The following NKAIN2 variants were observed in gnomAD, a reference collection of about 807,000 sequenced individuals.
NKAIN2 encodes sodium/potassium transporting ATPase interacting 2, also known as sodium/potassium-transporting ATPase subunit beta-1-interacting protein 2.
NKAIN2 carries 14 observed loss-of-function variants against 32.6 expected under a neutral mutation model. That is an observed-to-expected ratio of 0.43 (90% CI 0.28 to 0.67). NKAIN2 has a LOEUF of 0.67. Among genes scored for constraint, NKAIN2 ranks in the 30% least tolerant of loss-of-function variants. The probability of loss-of-function intolerance (pLI) is 0.17; values close to 1 mark genes in which losing one functional copy is unlikely to be tolerated. For missense variants in NKAIN2, 198 were observed against 258.3 expected (o/e 0.77, Z 1.60); for synonymous variants, 80 against 87.2 (o/e 0.92, Z 0.46).
intron 5 of NKAIN2, among the ~76,000 whole-genome samples, chr6:124,813,626 G>A (rs1342003445): frequency 1.3e-5 from 2 of 152,124 alleles, no homozygotes; most frequent in Non-Finnish European, 2.9e-5. Flanking sequence ...ATCCTCAGAT[G>A]TTGTGTGACT....
intron 3 of NKAIN2, among the ~76,000 whole-genome samples, chr6:124,380,254 A>G (rs2114369472): frequency 6.6e-6 from 1 of 152,302 alleles, no homozygotes; most frequent in Middle Eastern, 3.4e-3. Flanking sequence ...AGAAGTAACT[A>G]TGCTATTGTC....
At chr6:124,803,599 G>A (rs536018757) in intron 5 of NKAIN2, among the ~76,000 whole-genome samples, 1 of 152,158 alleles carries the variant, frequency 6.6e-6, no homozygotes, top group Non-Finnish European at 1.5e-5. Context: ...ATGTCACACA[G>A]GCTGTTCCTG....
chr6:124,049,294 C>G (rs1252259805), intron 1 of NKAIN2, among the ~76,000 whole-genome samples: 4 of 151,954 alleles, frequency 2.6e-5, no homozygotes, highest in African/African-American at 9.7e-5. Context: ...GGACTTTATG[C>G]ATTCTGGACT....
chr6:124,276,594 T>C (rs1035159995), intron 1 of NKAIN2, among the ~76,000 whole-genome samples: 1 of 152,170 alleles, frequency 6.6e-6, no homozygotes, highest in South Asian at 2.1e-4. Context: ...TATGTTCTCA[T>C]TGATCTTGTC....
chr6:124,102,582 A>G (rs1784939376), intron 1 of NKAIN2, among the ~76,000 whole-genome samples: 1 of 152,164 alleles, frequency 6.6e-6, no homozygotes, highest in Non-Finnish European at 1.5e-5. Flanking sequence ...TTTCTGTTTT[A>G]GATTCATCTG....
chr6:123,865,401 T>C (rs1775942959), intron 1 of NKAIN2, among the ~76,000 whole-genome samples: 1 of 152,120 alleles, frequency 6.6e-6, no homozygotes, highest in Non-Finnish European at 1.5e-5. Context: ...AACTCTAAAA[T>C]GGCATCTATT....
intron 3 of NKAIN2, among the ~76,000 whole-genome samples, chr6:124,424,467 C>A (rs1174451405): frequency 3.1e-5 from 4 of 131,010 alleles, no homozygotes; most frequent in African/African-American, 1.1e-4. Context: ...ACAGTATTAA[C>A]TGTAGTCATC....
chr6:124,370,702 C>T (rs10872286), intron 3 of NKAIN2, among the ~76,000 whole-genome samples: 22,666 of 152,062 alleles, frequency 0.15, 2,148 homozygotes, highest in Admixed American at 0.26. Context: ...GATAGGTCCT[C>T]AAATCTTTTA....
intron 2 of NKAIN2, among the ~76,000 whole-genome samples, chr6:124,341,246 ATAG>A (rs1223076125): frequency 4.6e-5 from 7 of 152,294 alleles, no homozygotes; most frequent in East Asian, 3.9e-4. Flanking sequence ...GAAATAAATA[ATAG>A]TAGTTGAATA....
intron 3 of NKAIN2, among the ~76,000 whole-genome samples, chr6:124,388,957 CGTAT>C (rs1286727898): frequency 6.6e-6 from 1 of 151,992 alleles, no homozygotes; most frequent in Non-Finnish European, 1.5e-5. Flanking sequence ...TCAGAAAACA[CGTAT>C]GTGTTTATAA....
rs189489386 is a variant in NKAIN2, at chr6:124,502,964, G to T, written c.273+147617G>T. Among the ~76,000 whole-genome samples the T allele has an allele frequency of 2.0e-5, 3 of 152,040 alleles. No individual in the cohort carries two copies. The East Asian group carries it at 5.8e-4, about 29-fold the overall frequency. On this transcript the variant is annotated intron_variant, in intron 3 of 6. Transcript: ENST00000368417. ...TCTTGATTTTTCTATATAAATTTTA[G>T]AATCATCTTGCCTGAATTAGAAAAA...
intron 3 of NKAIN2, among the ~76,000 whole-genome samples, chr6:124,495,196 G>A (rs1296951014): frequency 6.6e-6 from 1 of 152,056 alleles, no homozygotes; most frequent in Non-Finnish European, 1.5e-5. Flanking sequence ...TGTCACCTTA[G>A]GGTAGGGGTT....
intron 4 of NKAIN2, among the ~76,000 whole-genome samples, chr6:124,750,644 G>A (rs1192983527): frequency 1.3e-5 from 2 of 151,882 alleles, no homozygotes; most frequent in Non-Finnish European, 2.9e-5. Flanking sequence ...CATTCTGGCT[G>A]TGTTGTTTTG....
chr6:123,829,780 C>T (rs568979766), intron 1 of NKAIN2, among the ~76,000 whole-genome samples: 1 of 152,176 alleles, frequency 6.6e-6, no homozygotes, highest in South Asian at 2.1e-4. Flanking sequence ...ATCTGTGACA[C>T]ATTCAACGTA....
chr6:124,122,722 G>A (rs1264651096), intron 1 of NKAIN2, among the ~76,000 whole-genome samples: 1 of 152,078 alleles, frequency 6.6e-6, no homozygotes, highest in Non-Finnish European at 1.5e-5. Flanking sequence ...ACATTTTCTT[G>A]AGAGTCTCTG....
At chr6:124,136,620 T>C (rs1786802544) in intron 1 of NKAIN2, among the ~76,000 whole-genome samples, 1 of 152,076 alleles carries the variant, frequency 6.6e-6, no homozygotes, top group Admixed American at 6.5e-5. Flanking sequence ...AAATACTGGC[T>C]AACGAAACCC....
rs184113848 is a variant in NKAIN2, at chr6:123,885,394, T to C, written c.54+81140T>C. On this transcript the variant is annotated intron_variant, in intron 1 of 6. Transcript: ENST00000368417. ...TCTGATAGCTCCTCTACAATAACTGTATTTCAGCCATTTCTAATGCATTGG... is the reference window on the plus strand; with the variant it reads ...TCTGATAGCTCCTCTACAATAACTGCATTTCAGCCATTTCTAATGCATTGG... Among the ~76,000 whole-genome samples the C allele has an allele frequency of 2.0e-5, 3 of 152,256 alleles. No homozygotes were observed. The East Asian group carries it at 5.8e-4, about 29-fold the overall frequency.
intron 1 of NKAIN2, among the ~76,000 whole-genome samples, chr6:124,023,359 T>A (rs1216073176): frequency 2.0e-5 from 3 of 152,104 alleles, no homozygotes; most frequent in Non-Finnish European, 4.4e-5. Flanking sequence ...TAATACTCCT[T>A]CATTTCACAC....
chr6:124,247,927 A>C (rs1793495147), intron 1 of NKAIN2, among the ~76,000 whole-genome samples: 1 of 152,080 alleles, frequency 6.6e-6, no homozygotes, highest in Non-Finnish European at 1.5e-5. Context: ...GAGTCTTCTA[A>C]GATGAATTAA....
Sources: gnomAD v4.1 joint callset for allele counts (sites outside exome capture counted in the v4.1 genomes callset) on GRCh38, gnomAD v4.1.1 for gene constraint, MANE v1.5 for transcripts, NCBI Gene and HGNC (gene_info 2026-07-23, HGNC 2026-07-21) for gene names.